The following ZBTB46 variants were observed in gnomAD, a reference collection of about 807,000 sequenced individuals.
ZBTB46 encodes zinc finger and BTB domain containing 46.
In ZBTB46, 8 loss-of-function variants were observed where a neutral mutation model predicts 44.1. The observed-to-expected ratio is 0.18, with a 90% CI of 0.11 to 0.33. The LOEUF (loss-of-function observed/expected upper bound fraction) is 0.33, where lower values mean the gene tolerates loss of function less well. Among genes scored for constraint, ZBTB46 ranks in the 10% least tolerant of loss-of-function variants. The pLI is 1.00. For missense variants in ZBTB46, 651 were observed against 847.7 expected (o/e 0.77, Z 2.88); for synonymous variants, 409 against 382.3 (o/e 1.07, Z -0.81).
At chr20:63,780,087 C>A (rs6089994) in intron 2 of ZBTB46, among the ~76,000 whole-genome samples, 82,323 of 151,084 alleles carry the variant, frequency 0.54, 22,553 homozygotes, top group South Asian at 0.62. Flanking sequence ...CCTGGCCAGC[C>A]CGGTGAAACC....
At chr20:63,796,242 A>G (rs2092603113) in intron 1 of ZBTB46, among the ~76,000 whole-genome samples, 1 of 152,220 alleles carries the variant, frequency 6.6e-6, no homozygotes, top group South Asian at 2.1e-4. Context: ...TTCAGGCGGT[A>G]GTGTGTCTGC....
intron 3 of ZBTB46, among the ~76,000 whole-genome samples, chr20:63,771,870 A>G (rs2092377411): frequency 6.6e-6 from 1 of 152,152 alleles, no homozygotes. Flanking sequence ...ACGTTTTAAA[A>G]TAACCTGTCC....
chr20:63,797,094 G>C (rs949826347), intron 1 of ZBTB46, among the ~76,000 whole-genome samples: 1 of 151,998 alleles, frequency 6.6e-6, no homozygotes, highest in African/African-American at 2.4e-5. Flanking sequence ...TGCCATGTTG[G>C]TGTGCTGCAC....
At chr20:63,806,339 A>T (rs1418527913) in intron 1 of ZBTB46, among the ~76,000 whole-genome samples, 1 of 149,372 alleles carries the variant, frequency 6.7e-6, no homozygotes, top group African/African-American at 2.5e-5. Flanking sequence ...CCCGAGAGGC[A>T]GAGGTTGCAG....
chr20:63,785,748 T>C (rs1279315998), intron 2 of ZBTB46, among the ~76,000 whole-genome samples: 1 of 151,856 alleles, frequency 6.6e-6, no homozygotes, highest in African/African-American at 2.4e-5. Flanking sequence ...GCTCAGGGAG[T>C]CACTGGCCGC....
intron 2 of ZBTB46, among the ~76,000 whole-genome samples, chr20:63,780,099 C>T (rs1481683028): frequency 2.6e-5 from 4 of 151,662 alleles, no homozygotes; most frequent in South Asian, 2.1e-4. Flanking sequence ...GGTGAAACCC[C>T]GTCTCTACTA....
chr20:63,747,495 AGGTTGGG>A (rs2092112494), intron 4 of ZBTB46, among the ~76,000 whole-genome samples, 194 bp from the exon 5 acceptor site: 2 of 15,050 alleles, frequency 1.3e-4, no homozygotes, highest in African/African-American at 4.2e-4. Context: ...GGCCCGGTGG[AGGTTGGG>A]AGGGGGGCCA....
chr20:63,801,925 A>AT (rs1249415115), intron 1 of ZBTB46, among the ~76,000 whole-genome samples: 7 of 152,166 alleles, frequency 4.6e-5, no homozygotes, highest in African/African-American at 1.7e-4. Flanking sequence ...CTGCACGTAA[A>AT]TTATGCCTCA....
intron 1 of ZBTB46, among the ~76,000 whole-genome samples, chr20:63,801,776 C>T (rs1312441633): frequency 1.3e-5 from 2 of 152,130 alleles, no homozygotes; most frequent in African/African-American, 4.8e-5. Context: ...GAGTCCATGG[C>T]TTCATTCTTG....
intron 1 of ZBTB46, among the ~76,000 whole-genome samples, chr20:63,821,640 G>A (rs2092793041): frequency 6.6e-6 from 1 of 151,858 alleles, no homozygotes; most frequent in Non-Finnish European, 1.5e-5. Flanking sequence ...TATAAATGGG[G>A]TTTCACCATG....
At chr20:63,779,461 C>A (rs1457457830) in intron 2 of ZBTB46, among the ~76,000 whole-genome samples, 1 of 136,198 alleles carries the variant, frequency 7.3e-6, no homozygotes, top group African/African-American at 2.8e-5. Context: ...GCTCTGTCAC[C>A]CAGGCTGGAG....
chr20:63,747,012 G>A lies in ZBTB46; in HGVS notation c.1688C>T (p.Ala563Val), dbSNP rs746178681. 15 of 1,607,696 alleles carry A rather than the reference G, an allele frequency of 9.3e-6. No homozygotes were observed. The highest frequency in any genetic ancestry group is 3.3e-4 in the Middle Eastern group (2 of 6,080). ...CGAGTCTTCCTCATCCTTGTCGTCCGCCAACAGCGCATCCTCAGGGGCCAG... is the reference window on the plus strand; with the variant it reads ...CGAGTCTTCCTCATCCTTGTCGTCCACCAACAGCGCATCCTCAGGGGCCAG... Reference protein sequence around the residue: ...EGLAPEDALLADDKDEEDSPR... With the variant: ...EGLAPEDALLVDDKDEEDSPR... Residue 563 changes from alanine (A) to valine (V), a missense_variant, in exon 5 of 5, where the codon GCG becomes GTG. Ala to Val is a moderately conservative substitution (Grantham distance 64). Coordinates refer to ENST00000245663, the MANE Select transcript of ZBTB46 (RefSeq NM_001369741.1).
At chr20:63,797,141 A>G (rs1000246629) in intron 1 of ZBTB46, among the ~76,000 whole-genome samples, 1 of 150,934 alleles carries the variant, frequency 6.6e-6, no homozygotes, top group African/African-American at 2.4e-5. Context: ...ATATCTCCTA[A>G]TGCTATCTCT....
intron 2 of ZBTB46, among the ~76,000 whole-genome samples, chr20:63,784,449 C>T (rs2092496079): frequency 6.6e-6 from 1 of 152,206 alleles, no homozygotes; most frequent in African/African-American, 2.4e-5. Flanking sequence ...TTCAAGTACA[C>T]ACTTCACAGA....
intron 2 of ZBTB46, among the ~76,000 whole-genome samples, chr20:63,789,507 T>G (rs957864550): frequency 3.4e-4 from 52 of 152,148 alleles, no homozygotes; most frequent in African/African-American, 1.2e-3. Flanking sequence ...CCCCTCCCGG[T>G]GTCACCCACC....
chr20:63,769,240 G>C, intron 3 of ZBTB46: 2 of 985,374 alleles, frequency 2.0e-6, no homozygotes, highest in Non-Finnish European at 2.4e-6. Flanking sequence ...TGGCCACCCT[G>C]GTGTCTTACC....
At position 63,752,220 on chromosome 20, in the gene ZBTB46, T is replaced by G. The variant is rs1244679424; in HGVS notation, c.1398+466A>C. 6.6e-6 allele frequency among the ~76,000 whole-genome samples: 1 copy of G among 152,076 alleles called. No homozygotes were observed. The highest frequency in any genetic ancestry group is 1.5e-5 in the Non-Finnish European group (1 of 68,002). On this transcript the variant is annotated intron_variant, in intron 4 of 4. Transcript: ENST00000245663. The surrounding 1 kb of genome is among the most constrained non-coding windows in gnomAD (Gnocchi z 5.6). ...CTGTTCCCAGGCTGCCTTTTTCTAT[T>G]ATTTCCTCCCCAAGCAAATCCATCC...
chr20:63,832,685 G>A (rs2092858273), upstream of ZBTB46, among the ~76,000 whole-genome samples: 1 of 152,076 alleles, frequency 6.6e-6, no homozygotes, highest in Non-Finnish European at 1.5e-5. This position sits in a 1 kb window ranked among gnomAD's most constrained non-coding sequence, Gnocchi z 5.0. Flanking sequence ...CGCCGGGATG[G>A]CACTGCGGCC....
At chr20:63,820,283 T>A (rs1187657359) in intron 1 of ZBTB46, among the ~76,000 whole-genome samples, 1 of 152,010 alleles carries the variant, frequency 6.6e-6, no homozygotes, top group Non-Finnish European at 1.5e-5. Flanking sequence ...GTATTTTTAA[T>A]AGAGACGGGG....
Sources: gnomAD v4.1 joint callset for allele counts (sites outside exome capture counted in the v4.1 genomes callset) on GRCh38, gnomAD v4.1.1 for gene constraint, Gnocchi (gnomAD v3.1) non-coding constraint, MANE v1.5 for transcripts, NCBI Gene and HGNC (gene_info 2026-07-23, HGNC 2026-07-21) for gene names.